The following ELMO1 variants were observed in gnomAD, a reference collection of about 807,000 sequenced individuals.
ELMO1 encodes engulfment and cell motility 1, also known as engulfment and cell motility protein 1.
A neutral mutation model predicts 98.9 loss-of-function variants in ELMO1; 26 were observed. That is an observed-to-expected ratio of 0.26 (90% CI 0.19 to 0.36). The LOEUF is 0.36. ELMO1 is among the 10% of genes least tolerant of loss of function. The pLI is 1.00. For missense variants in ELMO1, 627 were observed against 935.2 expected (o/e 0.67, Z 4.30); for synonymous variants, 346 against 346.0 (o/e 1.00, Z 0.00).
At chr7:37,230,459 A>T (rs1794108973) in intron 8 of ELMO1, among the ~76,000 whole-genome samples, 1 of 152,108 alleles carries the variant, frequency 6.6e-6, no homozygotes, top group South Asian at 2.1e-4. Context: ...GAGGAGAAGC[A>T]CCCTGACCAT....
intron 13 of ELMO1, among the ~76,000 whole-genome samples, chr7:37,198,977 C>A (rs1792125938): frequency 6.6e-6 from 1 of 152,218 alleles, no homozygotes; most frequent in Non-Finnish European, 1.5e-5. Context: ...CACATCAGAG[C>A]TGCTCTTTAT....
chr7:37,178,676 G>C (rs889291480), intron 13 of ELMO1, among the ~76,000 whole-genome samples: 6 of 151,990 alleles, frequency 3.9e-5, no homozygotes, highest in African/African-American at 1.4e-4. Context: ...CAATAGTAGA[G>C]AATAAAAATT....
intron 13 of ELMO1, among the ~76,000 whole-genome samples, chr7:37,187,219 T>C (rs1193584035): frequency 1.3e-5 from 2 of 152,216 alleles, no homozygotes; most frequent in Non-Finnish European, 1.5e-5. Flanking sequence ...AAAGACTATG[T>C]ATTGTATGAT....
At chr7:37,060,930 G>A (rs1004052847) in intron 15 of ELMO1, among the ~76,000 whole-genome samples, 2 of 149,950 alleles carry the variant, frequency 1.3e-5, no homozygotes, top group African/African-American at 5.1e-5. Context: ...GTCCACAGAG[G>A]CTCCTACACT....
chr7:37,169,254 T>C (rs960447376), intron 13 of ELMO1, among the ~76,000 whole-genome samples: 10 of 152,316 alleles, frequency 6.6e-5, no homozygotes, highest in African/African-American at 2.4e-4. Context: ...ACCCCTTTCT[T>C]TGACTAGGAA....
intron 6 of ELMO1, among the ~76,000 whole-genome samples, chr7:37,246,092 G>A (rs2130718152): frequency 6.6e-6 from 1 of 152,274 alleles, no homozygotes; most frequent in East Asian, 1.9e-4. Flanking sequence ...TGAGGTCAAT[G>A]AACGCAGAGC....
intron 16 of ELMO1, among the ~76,000 whole-genome samples, chr7:36,916,305 A>G (rs930234988): frequency 2.0e-5 from 3 of 152,210 alleles, no homozygotes; most frequent in Non-Finnish European, 2.9e-5. Context: ...GCTTCTACCC[A>G]AGCCGGTGAT....
At chr7:37,394,797 T>G (rs769444770) in intron 1 of ELMO1, among the ~76,000 whole-genome samples, 11 of 152,260 alleles carry the variant, frequency 7.2e-5, no homozygotes, top group South Asian at 6.2e-4. Context: ...GATCAGGATG[T>G]AGATGAGAAG....
Position 37,287,803 on chromosome 7 carries a change from C to G in ELMO1, c.193-15921G>C, listed in dbSNP as rs191015044. Among the ~76,000 whole-genome samples, 73 of 152,290 alleles carry G rather than the reference C, an allele frequency of 4.8e-4. 1 individual carries two copies. Among genetic ancestry groups the G allele is most frequent in the African/African-American group, 1.7e-3 (69 of 41,542 alleles). ...ATCGACAATTTCTCTGGTACCTCCT[C>G]TCACTTCCAGCTCACTATCCTGTTC... is the stretch of plus-strand genomic sequence containing the variant. On this transcript the variant is annotated intron_variant, in intron 4 of 21. Coordinates refer to ENST00000310758, the MANE Select transcript of ELMO1 (RefSeq NM_014800.11).
chr7:36,958,782 C>G (rs921783149), intron 16 of ELMO1, among the ~76,000 whole-genome samples: 1 of 151,964 alleles, frequency 6.6e-6, no homozygotes, highest in South Asian at 2.1e-4. Flanking sequence ...TTTTCATCTT[C>G]TTGACTAGAT....
At chr7:37,332,470 G>A (rs1690837137) in intron 2 of ELMO1, among the ~76,000 whole-genome samples, 1 of 152,202 alleles carries the variant, frequency 6.6e-6, no homozygotes, top group Non-Finnish European at 1.5e-5. Context: ...GATGTTACAA[G>A]TTCTACACAG....
At chr7:37,430,785 C>T (rs1804902067) in intron 1 of ELMO1, among the ~76,000 whole-genome samples, 1 of 152,200 alleles carries the variant, frequency 6.6e-6, no homozygotes. Flanking sequence ...GACAACCACA[C>T]ACTGGCATCA....
chr7:37,292,732 G>A (rs1349493608), intron 4 of ELMO1, among the ~76,000 whole-genome samples: 1 of 84,678 alleles, frequency 1.2e-5, no homozygotes. Flanking sequence ...GTCCGGGAGG[G>A]AGGTGGGGGG....
intron 1 of ELMO1, among the ~76,000 whole-genome samples, chr7:37,448,012 G>A (rs1263314390): frequency 6.6e-6 from 1 of 151,974 alleles, no homozygotes; most frequent in Non-Finnish European, 1.5e-5. Context: ...GGTCTCGGCG[G>A]AGACCCCGGT....
chr7:37,002,791 T>C (rs1792773718), intron 16 of ELMO1, among the ~76,000 whole-genome samples: 1 of 152,226 alleles, frequency 6.6e-6, no homozygotes, highest in South Asian at 2.1e-4. Flanking sequence ...TTTGAGTACC[T>C]TCTAGATCCT....
intron 19 of ELMO1, among the ~76,000 whole-genome samples, chr7:36,872,618 CTT>C (rs927702920): frequency 5.3e-5 from 8 of 152,274 alleles, no homozygotes; most frequent in Non-Finnish European, 1.0e-4. Flanking sequence ...TGAACACTGA[CTT>C]CAGTTCTCCT....
intron 13 of ELMO1, among the ~76,000 whole-genome samples, chr7:37,168,593 A>G (rs935914000): frequency 1.3e-5 from 2 of 152,126 alleles, no homozygotes; most frequent in African/African-American, 2.4e-5. Context: ...GGAGTTTGCT[A>G]GAGGTCCACT....
chr7:37,117,627 G>C (rs1006409290), intron 14 of ELMO1, among the ~76,000 whole-genome samples: 1 of 152,142 alleles, frequency 6.6e-6, no homozygotes, highest in Non-Finnish European at 1.5e-5. Context: ...TTGTTTGGCA[G>C]TAACAGCTTG....
intron 1 of ELMO1, among the ~76,000 whole-genome samples, chr7:37,378,213 G>A (rs1373807337): frequency 6.6e-6 from 1 of 152,166 alleles, no homozygotes; most frequent in South Asian, 2.1e-4. Flanking sequence ...CTCTGCCCTG[G>A]GACAGCAGCT....
Sources: allele counts gnomAD v4.1 joint callset (sites outside exome capture counted in the v4.1 genomes callset), GRCh38; gene constraint gnomAD v4.1.1; transcripts MANE v1.5; gene names NCBI Gene and HGNC (gene_info 2026-07-23, HGNC 2026-07-21).